The following ZNF227 variants were observed in gnomAD, a reference collection of about 807,000 sequenced individuals.
ZNF227 encodes the protein zinc finger protein 227.
Under a neutral mutation model 13.2 loss-of-function variants are expected in ZNF227, and 12 were observed. The observed-to-expected ratio is 0.91, with a 90% CI of 0.58 to 1.47. The LOEUF (loss-of-function observed/expected upper bound fraction) is 1.47. ZNF227 is among the 40% of genes most tolerant of loss of function. The pLI is 0.00. For missense variants in ZNF227, 885 were observed against 967.5 expected (o/e 0.91, Z 1.13); for synonymous variants, 338 against 326.0 (o/e 1.04, Z -0.40).
rs561975781 is a variant in ZNF227, at chr19:44,230,908, C to CAAAAAA, written c.271+1106_271+1111dup. Among the ~76,000 whole-genome samples, 10 of 57,104 alleles carry CAAAAAA rather than the reference C, an allele frequency of 1.8e-4. 1 individual carries two copies. The highest frequency in any genetic ancestry group is 1.4e-3 in the African/African-American group (9 of 6,468). The allele number at this position is 57,104 out of a possible 152,430, so 37.5% of individuals were successfully genotyped here. ...GCAACATAGTGAGACTCCATCTCTA[C>CAAAAAA]AAAAAAAAAAAAAAAAAAATATATA... On this transcript the variant is annotated intron_variant, in intron 5 of 5. Coordinates refer to ENST00000313040, the MANE Select transcript of ZNF227 (RefSeq NM_182490.3).
chr19:44,229,593 T>G (rs1307479368), intron 4 of ZNF227, 140 bp from the exon 5 acceptor site: 1 of 397,448 alleles, frequency 2.5e-6, no homozygotes, highest in African/African-American at 2.1e-5. Flanking sequence ...GCCTGGGCGA[T>G]AGAGTGAGAC....
chr19:44,230,708 C>T (rs185812410), intron 5 of ZNF227, among the ~76,000 whole-genome samples: 1 of 151,556 alleles, frequency 6.6e-6, no homozygotes, highest in Admixed American at 6.6e-5. Context: ...TTTTCCATCC[C>T]CTTACCTTTC....
In ZNF227 at chr19:44,235,796, A is replaced by G. The variant is rs776750681; in HGVS notation, c.1366A>G (p.Arg456Gly). ...SHNSPLICHR[R>G]VHTGEKPYKC... ...CAATTCACCATTAATATGCCATCGG[A>G]GAGTCCACACAGGAGAGAAGCCATA... Residue 456 changes from arginine (R) to glycine (G), a missense_variant, in exon 6 of 6, where the codon AGA becomes GGA. Transcript: ENST00000313040. 1.9e-6 allele frequency: 3 copies of G among 1,612,660 alleles called. No individual in the cohort carries two copies. The highest frequency in any genetic ancestry group is 1.7e-5 in the Admixed American group (1 of 59,874).
At position 44,213,110 on chromosome 19, in the gene ZNF227, A is replaced by G. The variant is rs748761244; in HGVS notation, c.-137A>G. 17 of 151,956 alleles carry G rather than the reference A, an allele frequency of 1.1e-4. No individual in the cohort carries two copies. Among genetic ancestry groups the G allele is most frequent in the Admixed American group, 2.0e-4 (3 of 15,242 alleles). 9.4% of individuals were successfully genotyped at this position (151,956 alleles called of 1,614,324 possible). ...AGAAGGATTGAGTCATCGGGCTCCA[A>G]TGCGTGGGGATGTTTACCGCCGTTT... On this transcript the variant is annotated 5_prime_UTR_variant, in exon 2 of 6. It removes an upstream start codon present in the reference 5' UTR. Coordinates refer to ENST00000313040, the MANE Select transcript of ZNF227 (RefSeq NM_182490.3).
At chr19:44,232,448 G>A (rs1973932829) in intron 5 of ZNF227, among the ~76,000 whole-genome samples, 1 of 152,160 alleles carries the variant, frequency 6.6e-6, no homozygotes, top group Admixed American at 6.5e-5. Context: ...TTGTTAGAAT[G>A]ACTGACAGAA....
intron 4 of ZNF227, 91 bp downstream of exon 4, chr19:44,228,663 G>T: frequency 7.5e-7 from 1 of 1,339,118 alleles, no homozygotes; most frequent in South Asian, 2.3e-5. Context: ...TTTTAAAATG[G>T]TTCTTTGCTC....
Position 44,214,056 on chromosome 19 carries a change from A to AT in ZNF227, c.-3+818dup, listed in dbSNP as rs1260981488. 1.4e-4 allele frequency among the ~76,000 whole-genome samples: 21 copies of AT among 152,294 alleles called. 1 individual carries two copies. Among genetic ancestry groups the AT allele is most frequent in the African/African-American group, 4.8e-4 (20 of 41,564 alleles). On this transcript the variant is annotated intron_variant, in intron 2 of 5. Transcript: ENST00000313040. ...AAAAATGTAAGATGGCTCATTGATAATTTTTTGTATTATATGTCAAAATGG... is the reference window on the plus strand; with the variant it reads ...AAAAATGTAAGATGGCTCATTGATAATTTTTTTGTATTATATGTCAAAATGG...
At chr19:44,212,910 C>T (rs923196208) in intron 1 of ZNF227, 180 bp from the exon 2 acceptor site, 10 of 152,164 alleles carry the variant, frequency 6.6e-5, no homozygotes, top group African/African-American at 2.2e-4. Context: ...AGTGGTGGCA[C>T]CTGATACTGG....
intron 4 of ZNF227, 163 bp downstream of exon 4, chr19:44,228,735 T>C: frequency 1.2e-6 from 1 of 856,042 alleles, no homozygotes; most frequent in Non-Finnish European, 1.6e-6. Context: ...GTCTTTCTGC[T>C]CAGGCAAAAT....
rs1974292711 is a variant in ZNF227 at position 44,235,127 on chromosome 19, A to G, written c.697A>G (p.Lys233Glu). The change falls in exon 6 of 6, where the codon AAA (lysine) becomes GAA (glutamate). Residue 233 changes from lysine to glutamate, a missense_variant. Physicochemically the swap from Lys to Glu is moderately conservative, Grantham distance 56. Transcript: ENST00000313040. ...PKPCKGNEYG[K>E]IISDGSNQKL... Reference sequence around the variant, plus strand: ...ACCCTGCAAAGGTAATGAATATGGCAAAATCATTAGTGATGGCTCCAATCA... The same window carrying G: ...ACCCTGCAAAGGTAATGAATATGGCGAAATCATTAGTGATGGCTCCAATCA... 1.2e-6 allele frequency: 2 copies of G among 1,614,200 alleles called. No individual in the cohort carries two copies. Among genetic ancestry groups the G allele is most frequent in the East Asian group, 4.5e-5 (2 of 44,872 alleles).
chr19:44,217,883 A>C (rs1972062926), intron 3 of ZNF227, 31 bp downstream of exon 3: 2 of 1,608,618 alleles, frequency 1.2e-6, no homozygotes, highest in Non-Finnish European at 1.7e-6. Context: ...TGTCTTTTAA[A>C]ATGTGATTTA....
chr19:44,223,682 T>C (rs1035557988), intron 3 of ZNF227, among the ~76,000 whole-genome samples: 2 of 152,182 alleles, frequency 1.3e-5, no homozygotes, highest in African/African-American at 4.8e-5. Context: ...TTGCTAGCGG[T>C]CTATCAATTT....
At chr19:44,219,208 T>C (rs1162279803) in intron 3 of ZNF227, among the ~76,000 whole-genome samples, 3 of 152,176 alleles carry the variant, frequency 2.0e-5, no homozygotes, top group East Asian at 3.9e-4. Flanking sequence ...TTTTGGAGGA[T>C]AGACCCCAAC....
chr19:44,209,272 T>A (rs144496998), upstream of ZNF227, among the ~76,000 whole-genome samples: 1 of 152,350 alleles, frequency 6.6e-6, no homozygotes, highest in East Asian at 1.9e-4. Context: ...TTTGTCTATC[T>A]TATTGCATCT....
chr19:44,228,751 C>G (rs1316887359), intron 4 of ZNF227, 179 bp downstream of exon 4: 1 of 697,742 alleles, frequency 1.4e-6, no homozygotes. Flanking sequence ...AAAATTCTGT[C>G]CTTTTAAATT....
chr19:44,226,095 A>G (rs1171699099), intron 3 of ZNF227, among the ~76,000 whole-genome samples: 2 of 152,192 alleles, frequency 1.3e-5, no homozygotes, highest in Admixed American at 1.3e-4. Flanking sequence ...GTAGAACAGC[A>G]GATATTGGTG....
upstream of ZNF227, among the ~76,000 whole-genome samples, chr19:44,209,051 G>C (rs181701518): frequency 3.3e-5 from 5 of 152,140 alleles, no homozygotes; most frequent in Non-Finnish European, 7.3e-5. Context: ...CTCCAGCTTG[G>C]ATGACAGCGA....
At chr19:44,214,074 C>T (rs1445167902) in intron 2 of ZNF227, among the ~76,000 whole-genome samples, 1 of 152,110 alleles carries the variant, frequency 6.6e-6, no homozygotes, top group African/African-American at 2.4e-5. Context: ...TATTATATGT[C>T]AAAATGGTAA....
chr19:44,231,026 T>C (rs1245012127), intron 5 of ZNF227, among the ~76,000 whole-genome samples: 1 of 149,314 alleles, frequency 6.7e-6, no homozygotes, highest in Non-Finnish European at 1.5e-5. Flanking sequence ...GCCCAGGAAT[T>C]TGAGACCAAC....
Sources: gnomAD v4.1 joint callset for allele counts (sites outside exome capture counted in the v4.1 genomes callset) on GRCh38, gnomAD v4.1.1 for gene constraint, MANE v1.5 for transcripts, NCBI Gene and HGNC (gene_info 2026-07-23, HGNC 2026-07-21) for gene names.